Variants in TULP4 observed in about 807,000 individuals in gnomAD.
TULP4 encodes the protein tubby-related protein 4.
A neutral mutation model predicts 129.0 loss-of-function variants in TULP4; 16 were observed. The observed-to-expected ratio is 0.12, with a 90% CI of 0.08 to 0.19. The LOEUF (loss-of-function observed/expected upper bound fraction) is 0.19. Ranked by LOEUF, TULP4 falls within the 10% of genes least tolerant of loss-of-function variation. The pLI is 1.00. For missense variants in TULP4, 1,842 were observed against 2,059.1 expected (o/e 0.89, Z 2.04); for synonymous variants, 998 against 854.0 (o/e 1.17, Z -2.94).
chr6:158,460,542 A>T (rs150024876), intron 5 of TULP4, among the ~76,000 whole-genome samples: 2 of 152,208 alleles, frequency 1.3e-5, no homozygotes, highest in African/African-American at 2.4e-5. Context: ...TTGGGATAAG[A>T]TAAACCTTTT....
intron 1 of TULP4, among the ~76,000 whole-genome samples, chr6:158,302,069 ATTG>A (rs769471015): frequency 1.1e-4 from 16 of 152,140 alleles, no homozygotes; most frequent in Non-Finnish European, 2.4e-4. Flanking sequence ...TGGCTCAAAA[ATTG>A]TTAACAGTCA....
chr6:158,499,504 A>G (rs1780399735), intron 12 of TULP4, among the ~76,000 whole-genome samples: 2 of 152,240 alleles, frequency 1.3e-5, no homozygotes, highest in South Asian at 2.1e-4. Context: ...ATAGATTACA[A>G]TGACTTCCAA....
intron 1 of TULP4, chr6:158,242,549 G>A: frequency 2.7e-6 from 2 of 745,424 alleles, no homozygotes; most frequent in South Asian, 2.9e-5. Flanking sequence ...TCTCAATTCT[G>A]TTGAGCCTGT....
In TULP4 at chr6:158,503,104, C is replaced by G. The variant is rs1223536675; in HGVS notation, c.3441C>G (p.Pro1147=). Residue 1147 remains proline (P), a synonymous_variant, in exon 13 of 14, where the codon CCC becomes CCG. Transcript: ENST00000367097. This position sits in a 1 kb window ranked among gnomAD's most constrained non-coding sequence, Gnocchi z 4.3. ...CAGCACAGACTTCAGGGCCCAACCC[C>G]TTAAAACTGTCCTCTCTGATGCTGA... is the stretch of plus-strand genomic sequence containing the variant. ...ERTAQTSGPN[P]LKLSSLMLSQ... The G allele has an allele frequency of 1.2e-6, 2 of 1,614,182 alleles. No individual in the cohort carries two copies. Among genetic ancestry groups the G allele is most frequent in the Non-Finnish European group, 1.7e-6 (2 of 1,180,018 alleles).
At chr6:158,411,694 G>C (rs145804143) in intron 1 of TULP4, among the ~76,000 whole-genome samples, 41 of 152,310 alleles carry the variant, frequency 2.7e-4, no homozygotes, top group African/African-American at 9.4e-4. Context: ...CACTAAATCA[G>C]GTGATTCCTG....
rs1778301664 is a variant in TULP4, at chr6:158,420,089, G to T, written c.381+6896G>T. On this transcript the variant is annotated intron_variant, in intron 2 of 13. Transcript: ENST00000367097. ...TCAGATAGTAAATATTTTAGGTTTT[G>T]TGGACAAGGAGCCAAAATTGAGGAT... 2.6e-5 allele frequency among the ~76,000 whole-genome samples: 4 copies of T among 152,318 alleles called. No homozygotes were observed. The South Asian group carries it at 8.3e-4, about 32-fold the overall frequency.
At chr6:158,356,110 C>A (rs1201501615) in intron 1 of TULP4, among the ~76,000 whole-genome samples, 1 of 152,148 alleles carries the variant, frequency 6.6e-6, no homozygotes, top group Non-Finnish European at 1.5e-5. Context: ...TTACATTATA[C>A]TTCAATAAAG....
chr6:158,294,241 G>C (rs1387050897), intron 1 of TULP4, among the ~76,000 whole-genome samples: 2 of 151,952 alleles, frequency 1.3e-5, no homozygotes, highest in African/African-American at 4.8e-5. Flanking sequence ...GTGGGCACCT[G>C]TAGTCCAGCT....
At chr6:158,375,216 C>T (rs1432362261) in intron 1 of TULP4, among the ~76,000 whole-genome samples, 2 of 152,200 alleles carry the variant, frequency 1.3e-5, no homozygotes, top group Non-Finnish European at 2.9e-5. Flanking sequence ...GCACTCCAGC[C>T]TGGGCAGACA....
rs1780745461 is a variant in TULP4, at chr6:158,511,754, T to G, written c.*5060T>G. ...TTATTACTGAGACGGATTAATCTCC[T>G]TATTTTTTTCTTGATGATTTGAAGT... On this transcript the variant is annotated 3_prime_UTR_variant, in exon 14 of 14. Coordinates refer to ENST00000367097, the MANE Select transcript of TULP4 (RefSeq NM_020245.5). The G allele has an allele frequency of 6.6e-6, 1 of 152,252 alleles. No individual in the cohort carries two copies. Among genetic ancestry groups the G allele is most frequent in the South Asian group, 2.1e-4 (1 of 4,838 alleles). The allele number at this position is 152,252 out of a possible 1,614,324, so 9.4% of individuals were successfully genotyped here. A position where few individuals can be genotyped will look rare whatever the true frequency, so the allele number is the denominator to read the frequency against.
chr6:158,243,124 C>T (rs1777956704), intron 1 of TULP4, among the ~76,000 whole-genome samples: 1 of 152,110 alleles, frequency 6.6e-6, no homozygotes, highest in African/African-American at 2.4e-5. Context: ...ACAGTGGAGA[C>T]TGGTGTAATA....
At chr6:158,325,994 A>T (rs1187180459) in intron 1 of TULP4, among the ~76,000 whole-genome samples, 1 of 143,080 alleles carries the variant, frequency 7.0e-6, no homozygotes, top group East Asian at 2.0e-4. Flanking sequence ...CTTCATTCCC[A>T]TCTCGTTAGG....
chr6:158,380,761 G>T (rs827980), intron 1 of TULP4, among the ~76,000 whole-genome samples: 71,872 of 151,062 alleles, frequency 0.48, 17,600 homozygotes, highest in African/African-American at 0.59. Context: ...AGGCATGGTG[G>T]AACACGCCTG....
intron 2 of TULP4, among the ~76,000 whole-genome samples, chr6:158,427,052 A>G (rs183789300): frequency 5.7e-4 from 87 of 152,290 alleles, no homozygotes; most frequent in African/African-American, 2.0e-3. Flanking sequence ...AATGCTAGTG[A>G]TTTTTGTATG....
chr6:158,310,314 A>G (rs918417400), upstream of TULP4: 11 of 98,350 alleles, frequency 1.1e-4, no homozygotes, highest in African/African-American at 4.1e-4. Context: ...GGGAGGTGCT[A>G]CACTTTTTTT....
At chr6:158,294,378 A>T (rs984714789) in intron 1 of TULP4, among the ~76,000 whole-genome samples, 21 of 152,124 alleles carry the variant, frequency 1.4e-4, no homozygotes, top group Admixed American at 3.9e-4. Context: ...AAAAAATAAA[A>T]AAAAAAATAA....
At chr6:158,429,114 C>T (rs1778570898) in intron 2 of TULP4, among the ~76,000 whole-genome samples, 1 of 152,144 alleles carries the variant, frequency 6.6e-6, no homozygotes. Context: ...TCCTGAGTAG[C>T]TAAGACCACA....
chr6:158,469,017 T>C (rs1352121796), intron 6 of TULP4, among the ~76,000 whole-genome samples: 7 of 152,304 alleles, frequency 4.6e-5, no homozygotes, highest in African/African-American at 1.7e-4. Context: ...AGACCATACA[T>C]AGCACTGACC....
chr6:158,348,774 G>A (rs1174892335), intron 1 of TULP4, among the ~76,000 whole-genome samples: 19 of 104,858 alleles, frequency 1.8e-4, no homozygotes, highest in East Asian at 5.6e-4. Flanking sequence ...CTGGGCAGAG[G>A]CGCTCCTCAC....
Sources: allele counts gnomAD v4.1 joint callset (sites outside exome capture counted in the v4.1 genomes callset), GRCh38; gene constraint gnomAD v4.1.1; non-coding constraint Gnocchi (gnomAD v3.1); transcripts MANE v1.5; gene names NCBI Gene and HGNC (gene_info 2026-07-23, HGNC 2026-07-21).